Variants in PRR16 observed in about 807,000 individuals in gnomAD.
PRR16 encodes protein Largen.
PRR16 carries 6 observed loss-of-function variants against 18.2 expected under a neutral mutation model. That is an observed-to-expected ratio of 0.33 (90% CI 0.18 to 0.65). The LOEUF (loss-of-function observed/expected upper bound fraction) is 0.65, where lower values mean the gene tolerates loss of function less well. Among genes scored for constraint, PRR16 ranks in the 30% least tolerant of loss-of-function variants. PRR16 has a pLI of 0.74. For missense variants in PRR16, 412 were observed against 376.6 expected (o/e 1.09, Z -0.78); for synonymous variants, 151 against 147.8 (o/e 1.02, Z -0.16).
intron 1 of PRR16, among the ~76,000 whole-genome samples, chr5:120,555,985 A>G (rs927930265): frequency 6.6e-6 from 1 of 151,878 alleles, no homozygotes; most frequent in Admixed American, 6.6e-5. Context: ...CAGCTAAGTC[A>G]TATTCTTTGA....
At chr5:120,511,241 A>G (rs1750815985) in intron 1 of PRR16, among the ~76,000 whole-genome samples, 1 of 152,194 alleles carries the variant, frequency 6.6e-6, no homozygotes, top group Non-Finnish European at 1.5e-5. Flanking sequence ...AATGACATCA[A>G]TCTAAGGTAA....
chr5:120,474,811 G>A (rs548204299), intron 1 of PRR16, among the ~76,000 whole-genome samples: 2 of 152,202 alleles, frequency 1.3e-5, no homozygotes, highest in African/African-American at 4.8e-5. Flanking sequence ...AGAAAAAAAG[G>A]AGAAACTCAG....
intron 1 of PRR16, among the ~76,000 whole-genome samples, chr5:120,669,668 G>GT (rs1230800341): frequency 6.6e-6 from 1 of 151,874 alleles, no homozygotes; most frequent in African/African-American, 2.4e-5. Context: ...TTTAAGAGGT[G>GT]TTTTTTAAAT....
At chr5:120,473,970 A>T (rs1444565272) in intron 1 of PRR16, among the ~76,000 whole-genome samples, 1 of 152,182 alleles carries the variant, frequency 6.6e-6, no homozygotes, top group Non-Finnish European at 1.5e-5. Context: ...AGGAGCAAGC[A>T]GTAAGGAAAT....
chr5:120,779,846 A>G, the PRR16 span, among the ~76,000 whole-genome samples: 1 of 152,114 alleles, frequency 6.6e-6, no homozygotes, highest in South Asian at 2.1e-4. Flanking sequence ...AGGGTGTATG[A>G]CAGCTCTCCC....
At chr5:120,596,933 T>C (rs1753832625) in intron 1 of PRR16, among the ~76,000 whole-genome samples, 1 of 151,758 alleles carries the variant, frequency 6.6e-6, no homozygotes, top group Non-Finnish European at 1.5e-5. Context: ...CCAGGAACTA[T>C]TTCTTTATAG....
intron 1 of PRR16, among the ~76,000 whole-genome samples, chr5:120,664,606 G>T (rs1227850422): frequency 6.6e-6 from 1 of 151,770 alleles, no homozygotes; most frequent in African/African-American, 2.4e-5. Context: ...ATCCCTCCCT[G>T]CTCCCCCTAC....
intron 1 of PRR16, among the ~76,000 whole-genome samples, chr5:120,561,718 T>C (rs997630596): frequency 2.0e-5 from 3 of 152,272 alleles, no homozygotes; most frequent in African/African-American, 7.2e-5. Context: ...TGGGAGATAA[T>C]TGAATCATGG....
intron 1 of PRR16, among the ~76,000 whole-genome samples, chr5:120,638,930 T>C (rs1419431563): frequency 1.3e-5 from 2 of 152,128 alleles, no homozygotes; most frequent in Non-Finnish European, 2.9e-5. Context: ...TTGAGGTACA[T>C]ATTTTATATG....
chr5:120,664,456 G>T (rs568830212), intron 1 of PRR16, among the ~76,000 whole-genome samples: 530 of 148,062 alleles, frequency 3.6e-3, no homozygotes, highest in Non-Finnish European at 5.7e-3. Context: ...AAATGTTTTT[G>T]TTTTTTTTTT....
chr5:120,486,470 G>A (rs1341329429), intron 1 of PRR16, among the ~76,000 whole-genome samples: 2 of 151,504 alleles, frequency 1.3e-5, no homozygotes, highest in Admixed American at 1.3e-4. Context: ...GTCTGTTCAT[G>A]TCCTTCGCCC....
chr5:120,757,517 T>A, the PRR16 span, among the ~76,000 whole-genome samples: 1 of 152,080 alleles, frequency 6.6e-6, no homozygotes, highest in East Asian at 1.9e-4. Flanking sequence ...GAAAATTTGA[T>A]CTACTGGCTT....
chr5:120,641,678 T>A (rs1232502426), intron 1 of PRR16, among the ~76,000 whole-genome samples: 1 of 152,070 alleles, frequency 6.6e-6, no homozygotes, highest in Non-Finnish European at 1.5e-5. Flanking sequence ...TGGCTTTCAT[T>A]CTTTCCGATC....
chr5:120,718,230 A>C, the PRR16 span, among the ~76,000 whole-genome samples: 1 of 152,062 alleles, frequency 6.6e-6, no homozygotes, highest in East Asian at 1.9e-4. Flanking sequence ...CTGTGGCCCT[A>C]CTTAATTAAG....
the PRR16 span, among the ~76,000 whole-genome samples, chr5:120,765,965 GTTATGGAAACATACCACAA>G: frequency 6.6e-6 from 1 of 151,890 alleles, no homozygotes; most frequent in African/African-American, 2.4e-5. Flanking sequence ...GTATACTACT[GTTATGGAAACATACCACAA>G]TTTATTTATC....
Position 120,642,260 on chromosome 5 carries a change from G to GT in PRR16, c.160-43683dup, listed in dbSNP as rs60631674. Among the ~76,000 whole-genome samples, 1,209 of 148,812 alleles carry GT rather than the reference G, an allele frequency of 8.1e-3. 6 individuals carry two copies. The highest frequency in any genetic ancestry group is 0.011 in the Non-Finnish European group (744 of 67,144). Reference sequence around the variant, plus strand: ...TCCCTGTTAAAATTCTTCAACAGCTGTTTTTTTTTTTCCCCTAACAGTGGT... The same window carrying GT: ...TCCCTGTTAAAATTCTTCAACAGCTGTTTTTTTTTTTTCCCCTAACAGTGGT... On this transcript the variant is annotated intron_variant, in intron 1 of 1. Coordinates refer to ENST00000407149, the MANE Select transcript of PRR16 (RefSeq NM_001300783.2).
intron 1 of PRR16, among the ~76,000 whole-genome samples, chr5:120,495,981 A>G (rs1173984726): frequency 6.6e-6 from 1 of 151,978 alleles, no homozygotes; most frequent in Non-Finnish European, 1.5e-5. Flanking sequence ...CAACTTAAAG[A>G]AGTTTCTCAG....
chr5:120,743,522 G>A, the PRR16 span, among the ~76,000 whole-genome samples: 2 of 151,710 alleles, frequency 1.3e-5, no homozygotes, highest in African/African-American at 4.9e-5. Context: ...ATATTGTAGT[G>A]AACTGTCTGA....
At chr5:120,709,157 G>A in the PRR16 span, among the ~76,000 whole-genome samples, 6 of 150,932 alleles carry the variant, frequency 4.0e-5, no homozygotes, top group South Asian at 2.1e-4. Context: ...ACAGGCGCCC[G>A]TCACCACGCC....
Sources: gnomAD v4.1 joint callset for allele counts (sites outside exome capture counted in the v4.1 genomes callset) on GRCh38, gnomAD v4.1.1 for gene constraint, MANE v1.5 for transcripts, NCBI Gene and HGNC (gene_info 2026-07-23, HGNC 2026-07-21) for gene names.